Variants in HSPA12B observed in about 807,000 individuals in gnomAD.
The protein encoded by HSPA12B is heat shock 70 kDa protein 12B.
HSPA12B carries 54 observed loss-of-function variants against 69.3 expected under a neutral mutation model. The observed-to-expected ratio is 0.78, with a 90% CI of 0.63 to 0.98. The LOEUF is 0.98. Among genes scored for constraint, HSPA12B ranks in the 50% least tolerant of loss-of-function variants. The pLI is 0.00. For missense variants in HSPA12B, 929 were observed against 999.8 expected (o/e 0.93, Z 0.96); for synonymous variants, 441 against 436.5 (o/e 1.01, Z -0.13).
chr20:3,740,966 T>G lies in HSPA12B; in HGVS notation c.141+54T>G. On this transcript the variant is annotated intron_variant, in intron 3 of 12. Coordinates refer to ENST00000254963, the MANE Select transcript of HSPA12B (RefSeq NM_052970.5). The surrounding 1 kb of genome is among the most constrained non-coding windows in gnomAD (Gnocchi z 4.9). ...GGTGACCTGGCTGGTGTGGACAGGGTCGTGCGTGGCAAAGTCATGACAGGG... is the reference window on the plus strand; with the variant it reads ...GGTGACCTGGCTGGTGTGGACAGGGGCGTGCGTGGCAAAGTCATGACAGGG... 4.1e-6 allele frequency: 6 copies of G among 1,473,640 alleles called. No individual in the cohort carries two copies. The highest frequency in any genetic ancestry group is 5.6e-6 in the Non-Finnish European group (6 of 1,072,846). The allele number at this position is 1,473,640 out of a possible 1,614,324, so 91.3% of individuals were successfully genotyped here.
At position 3,745,134 on chromosome 20, in the gene HSPA12B, A is replaced by C; in HGVS notation, c.453+46A>C. Reference sequence around the variant, plus strand: ...CAGGGAGGCGGGGCCAGCATGGAAAAGGGCAGGGCTAATGGGGGTGGGTGG... The same window carrying C: ...CAGGGAGGCGGGGCCAGCATGGAAACGGGCAGGGCTAATGGGGGTGGGTGG... On this transcript the variant is annotated intron_variant, in intron 5 of 12. Transcript: ENST00000254963. This position sits in a 1 kb window ranked among gnomAD's most constrained non-coding sequence, Gnocchi z 5.6. The C allele has an allele frequency of 5.9e-6, 5 of 844,062 alleles. No homozygotes were observed. Among genetic ancestry groups the C allele is most frequent in the Non-Finnish European group, 9.2e-6 (5 of 544,922 alleles). The allele number at this position is 844,062 out of a possible 1,614,324, so 52.3% of individuals were successfully genotyped here. A position where few individuals can be genotyped will look rare whatever the true frequency, so the allele number is the denominator to read the frequency against.
In HSPA12B at chr20:3,748,255, C is replaced by A. The variant is rs1016046849; in HGVS notation, c.714C>A (p.Leu238=). 1 of 1,599,086 alleles carries A rather than the reference C, an allele frequency of 6.3e-7. No individual in the cohort carries two copies. The highest frequency in any genetic ancestry group is 1.1e-5 in the South Asian group (1 of 89,188). The change falls in exon 8 of 13, where the codon CTC becomes CTA. Residue 238 remains leucine, a synonymous_variant. Transcript: ENST00000254963. The part of the protein sequence containing the change: ...LVSRENAEQL[L]IALEPEAASV... ...CCCGAGAGAATGCAGAGCAGCTACTCATCGCCCTGGAGCCCGAGGCCGCCT... is the reference window on the plus strand; with the variant it reads ...CCCGAGAGAATGCAGAGCAGCTACTAATCGCCCTGGAGCCCGAGGCCGCCT...
rs2088280156 is a variant in HSPA12B, at chr20:3,745,357, G to C, written c.454-136G>C. On this transcript the variant is annotated intron_variant, in intron 5 of 12. Coordinates refer to ENST00000254963, the MANE Select transcript of HSPA12B (RefSeq NM_052970.5). This position sits in a 1 kb window ranked among gnomAD's most constrained non-coding sequence, Gnocchi z 5.6. ...GGAGAGGGGTCGGGGCAGAGCTAAT[G>C]TCACATGGGGCAAGAGTGGGACGGT... is the stretch of plus-strand genomic sequence containing the variant. The C allele has an allele frequency of 7.0e-6, 5 of 713,590 alleles. No homozygotes were observed. The South Asian group carries it at 8.4e-5, about 12-fold the overall frequency. The allele number at this position is 713,590 out of a possible 1,614,324, so 44.2% of individuals were successfully genotyped here. A position where few individuals can be genotyped will look rare whatever the true frequency, so the allele number is the denominator to read the frequency against.
chr20:3,751,609 G>A lies in HSPA12B; in HGVS notation c.1504G>A (p.Ala502Thr). 1 of 1,529,020 alleles carries A rather than the reference G, an allele frequency of 6.5e-7. No homozygotes were observed. Among genetic ancestry groups the A allele is most frequent in the Non-Finnish European group, 8.8e-7 (1 of 1,141,026 alleles). The allele number at this position is 1,529,020 out of a possible 1,614,324, so 94.7% of individuals were successfully genotyped here. A position where few individuals can be genotyped will look rare whatever the true frequency, so the allele number is the denominator to read the frequency against. ...SAVLQHAVQA[A>T]LGARGLRVVV... ...GGTGCTGCAGCACGCGGTGCAGGCGGCGCTGGGCGCCCGCGGTCTGCGTGT... is the reference window on the plus strand; with the variant it reads ...GGTGCTGCAGCACGCGGTGCAGGCGACGCTGGGCGCCCGCGGTCTGCGTGT... The change falls in exon 13 of 13, where the codon GCG (alanine) becomes ACG (threonine). Residue 502 changes from alanine (A) to threonine (T), a missense_variant. Ala to Thr is a moderately conservative substitution (Grantham distance 58, BLOSUM62 0). This residue lies in a region of HSPA12B where 448 missense variants were observed against 448.1 expected (regional missense o/e 1.00). Transcript: ENST00000254963.
In HSPA12B at chr20:3,749,596, G is replaced by A. The variant is rs1490170164; in HGVS notation, c.938-154G>A. ...CTGCGCCCATATGTGGTGGTCTGAG[G>A]TTCAAGCACCTGAAGCCCCTCACGT... On this transcript the variant is annotated intron_variant, in intron 9 of 12. Coordinates refer to ENST00000254963, the MANE Select transcript of HSPA12B (RefSeq NM_052970.5). The surrounding 1 kb of genome is among the most constrained non-coding windows in gnomAD (Gnocchi z 5.5). 6.6e-6 allele frequency among the ~76,000 whole-genome samples: 1 copy of A among 152,200 alleles called. No homozygotes were observed. The highest frequency in any genetic ancestry group is 1.5e-5 in the Non-Finnish European group (1 of 68,022).
rs1568471630 is a variant in HSPA12B at position 3,738,641 on chromosome 20, T to C, written c.-17-17T>C. 6.2e-7 allele frequency: 1 copy of C among 1,612,060 alleles called. No homozygotes were observed. Among genetic ancestry groups the C allele is most frequent in the Non-Finnish European group, 8.5e-7 (1 of 1,178,106 alleles). ...GGACAAATAAATCCCACTCTGCTTGTCTGTTCCTGTTGACAGCTACAGGGC... is the reference window on the plus strand; with the variant it reads ...GGACAAATAAATCCCACTCTGCTTGCCTGTTCCTGTTGACAGCTACAGGGC... On this transcript the variant is annotated splice_polypyrimidine_tract_variant and intron_variant, in intron 1 of 12. Coordinates refer to ENST00000254963, the MANE Select transcript of HSPA12B (RefSeq NM_052970.5).
intron 7 of HSPA12B, among the ~76,000 whole-genome samples, 183 bp from the exon 8 acceptor site, chr20:3,748,034 C>T (rs938762320): frequency 1.3e-5 from 2 of 152,272 alleles, no homozygotes; most frequent in African/African-American, 4.8e-5. Flanking sequence ...AGCCTGGTCA[C>T]AGCGTGGCTA....
At chr20:3,736,560 G>A (rs1158173990) in intron 1 of HSPA12B, among the ~76,000 whole-genome samples, 2 of 152,190 alleles carry the variant, frequency 1.3e-5, no homozygotes, top group East Asian at 1.9e-4. Flanking sequence ...AGATTGGGCC[G>A]CTGGTGACAG....
chr20:3,741,942 A>G (rs1250458294), intron 3 of HSPA12B, among the ~76,000 whole-genome samples: 1 of 149,044 alleles, frequency 6.7e-6, no homozygotes. Flanking sequence ...AATTGCTCCC[A>G]GCTGGGCCCA....
chr20:3,738,752 C>T (rs2088146800), intron 2 of HSPA12B, 35 bp downstream of exon 2: 2 of 1,612,912 alleles, frequency 1.2e-6, no homozygotes, highest in Non-Finnish European at 8.5e-7. Context: ...TGACCCATCA[C>T]CCACTCACCC....
intron 8 of HSPA12B, 108 bp downstream of exon 8, chr20:3,748,499 G>A (rs868440033): frequency 9.2e-7 from 1 of 1,087,484 alleles, no homozygotes; most frequent in South Asian, 2.3e-5. Context: ...CACCCTGGAG[G>A]AGCCCAATTT....
chr20:3,738,350 G>A (rs554799), intron 1 of HSPA12B, among the ~76,000 whole-genome samples: 54,127 of 152,096 alleles, frequency 0.36, 10,105 homozygotes, highest in East Asian at 0.56. Flanking sequence ...AAACATTTAG[G>A]AGGATCCTGA....
At chr20:3,738,266 G>A (rs531577664) in intron 1 of HSPA12B, among the ~76,000 whole-genome samples, 25 of 152,288 alleles carry the variant, frequency 1.6e-4, no homozygotes, top group East Asian at 9.6e-4. Context: ...CCATCAGACC[G>A]TTGGTTTCTA....
chr20:3,742,505 T>A, intron 4 of HSPA12B, 97 bp downstream of exon 4: 5 of 969,104 alleles, frequency 5.2e-6, no homozygotes, highest in Non-Finnish European at 4.6e-6. Context: ...GGGGTCTCCT[T>A]GGAGGCCCTG....
chr20:3,740,987 CAGGGCCTCAGCTAGGAAGGAGG>C lies in HSPA12B; in HGVS notation c.141+80_141+101del, dbSNP rs2088191468. 8.2e-7 allele frequency: 1 copy of C among 1,223,924 alleles called. No individual in the cohort carries two copies. The allele number at this position is 1,223,924 out of a possible 1,614,324, so 75.8% of individuals were successfully genotyped here. A position where few individuals can be genotyped will look rare whatever the true frequency, so the allele number is the denominator to read the frequency against. On this transcript the variant is annotated intron_variant, in intron 3 of 12. Transcript: ENST00000254963. This position sits in a 1 kb window ranked among gnomAD's most constrained non-coding sequence, Gnocchi z 4.9. ...AGGGTCGTGCGTGGCAAAGTCATGA[CAGGGCCTCAGCTAGGAAGGAGG>C]AGGGGATGGGGGTAGCACCATGCCT...
intron 11 of HSPA12B, among the ~76,000 whole-genome samples, chr20:3,750,434 G>A (rs1006760737): frequency 6.6e-6 from 1 of 152,154 alleles, no homozygotes; most frequent in African/African-American, 2.4e-5. Flanking sequence ...TCCGCAGCCC[G>A]AACTGGGGCA....
In HSPA12B at chr20:3,744,013, T is replaced by C. The variant is rs75309622; in HGVS notation, c.267-889T>C. 0.012 allele frequency among the ~76,000 whole-genome samples: 1,875 copies of C among 152,288 alleles called. 45 individuals carry two copies. Among genetic ancestry groups the C allele is most frequent in the African/African-American group, 0.043 (1,790 of 41,534 alleles). ...AAATCCATTCAAATGTTGGGTTTTA[T>C]GTGGGACCTCAAGGACCTTGGGACC... is the stretch of plus-strand genomic sequence containing the variant. On this transcript the variant is annotated intron_variant, in intron 4 of 12. Transcript: ENST00000254963. The surrounding 1 kb of genome is among the most constrained non-coding windows in gnomAD (Gnocchi z 4.9).
rs1438258462 is a variant in HSPA12B at position 3,740,341 on chromosome 20, C to T, written c.44-474C>T. 1.3e-5 allele frequency among the ~76,000 whole-genome samples: 2 copies of T among 152,138 alleles called. No homozygotes were observed. The highest frequency in any genetic ancestry group is 2.4e-5 in the African/African-American group (1 of 41,430). On this transcript the variant is annotated intron_variant, in intron 2 of 12. Transcript: ENST00000254963. This position sits in a 1 kb window ranked among gnomAD's most constrained non-coding sequence, Gnocchi z 4.9. ...TTCCCTCAAGTCCTGATTAGAACCA[C>T]GTGGCCCAACTTTAGGGTGGAGGGG...
rs1045225813 is a variant in HSPA12B, at chr20:3,737,409, T to C, written c.-17-1249T>C. Among the ~76,000 whole-genome samples the C allele has an allele frequency of 9.9e-5, 15 of 151,792 alleles. No homozygotes were observed. Among genetic ancestry groups the C allele is most frequent in the Admixed American group, 5.3e-4 (8 of 15,228 alleles). ...GCTTTTCAGAAATTCTAGCTCAATA[T>C]GATTGCGTCACTACACTCCAGCCTG... On this transcript the variant is annotated intron_variant, in intron 1 of 12. Coordinates refer to ENST00000254963, the MANE Select transcript of HSPA12B (RefSeq NM_052970.5). The surrounding 1 kb of genome is among the most constrained non-coding windows in gnomAD (Gnocchi z 4.1).
Sources: gnomAD v4.1 joint callset for allele counts (sites outside exome capture counted in the v4.1 genomes callset) on GRCh38, gnomAD v4.1.1 for gene constraint, gnomAD v4.1.1 regional missense constraint, Gnocchi (gnomAD v3.1) non-coding constraint, MANE v1.5 for transcripts, NCBI Gene and HGNC (gene_info 2026-07-23, HGNC 2026-07-21) for gene names.